CLVS1: variants seen among roughly 807,000 people sequenced by gnomAD.
CLVS1 encodes the protein clavesin-1.
A neutral mutation model predicts 33.1 loss-of-function variants in CLVS1; 10 were observed. The ratio of observed to expected loss-of-function variants is 0.30; its 90% confidence interval spans 0.19 to 0.51. The LOEUF is 0.51. Among genes scored for constraint, CLVS1 ranks in the 20% least tolerant of loss-of-function variants. The pLI, the probability that CLVS1 is intolerant of heterozygous loss-of-function variation, is 0.97. For synonymous variants in CLVS1, 163 were observed against 166.1 expected (o/e 0.98, Z 0.14); for missense variants, 343 against 433.4 (o/e 0.79, Z 1.85).
At chr8:61,002,711 C>A in the CLVS1 span, among the ~76,000 whole-genome samples, 24 of 152,310 alleles carry the variant, frequency 1.6e-4, no homozygotes, top group South Asian at 4.6e-3. Context: ...CCTATACTTA[C>A]CATCTGCAAT....
the CLVS1 span, among the ~76,000 whole-genome samples, chr8:60,968,058 T>A: frequency 1.3e-5 from 2 of 152,030 alleles, no homozygotes; most frequent in Non-Finnish European, 1.5e-5. Flanking sequence ...CCCACCTCAG[T>A]CCCCCAAGTC....
At chr8:61,448,437 A>G (rs1243913960) in intron 3 of CLVS1, among the ~76,000 whole-genome samples, 1 of 151,546 alleles carries the variant, frequency 6.6e-6, no homozygotes, top group Non-Finnish European at 1.5e-5. Flanking sequence ...CATTTAGTCT[A>G]TTTTCTCTCT....
chr8:61,429,790 T>G (rs927952400), intron 3 of CLVS1, among the ~76,000 whole-genome samples: 3 of 152,222 alleles, frequency 2.0e-5, no homozygotes, highest in African/African-American at 7.2e-5. Context: ...AAAATACTTA[T>G]AAGAATTTGT....
intron 2 of CLVS1, among the ~76,000 whole-genome samples, chr8:61,224,117 C>T (rs969785323): frequency 5.9e-5 from 9 of 152,048 alleles, no homozygotes; most frequent in African/African-American, 2.2e-4. Context: ...AGACCATGTG[C>T]CTTTAGCTCA....
intron 2 of CLVS1, among the ~76,000 whole-genome samples, chr8:61,274,355 C>G (rs1314740778): frequency 6.6e-6 from 1 of 152,132 alleles, no homozygotes; most frequent in Non-Finnish European, 1.5e-5. Context: ...AATATACTCA[C>G]TTATTCTAGT....
At chr8:61,229,544 A>G (rs189977142) in intron 2 of CLVS1, among the ~76,000 whole-genome samples, 93 of 152,322 alleles carry the variant, frequency 6.1e-4, no homozygotes, top group African/African-American at 2.1e-3. Flanking sequence ...ACACTGCACC[A>G]CATTGGCAGA....
chr8:61,381,887 C>A (rs141878351), intron 3 of CLVS1, among the ~76,000 whole-genome samples: 1 of 152,204 alleles, frequency 6.6e-6, no homozygotes, highest in East Asian at 1.9e-4. Context: ...TGTGATAGGG[C>A]TGTGATGAAC....
At chr8:61,366,670 A>G (rs1237029099) in intron 2 of CLVS1, among the ~76,000 whole-genome samples, 2 of 152,222 alleles carry the variant, frequency 1.3e-5, no homozygotes, top group African/African-American at 4.8e-5. Context: ...AGCATCTACT[A>G]TGTATAGGTA....
At chr8:61,380,936 C>G (rs969055717) in intron 3 of CLVS1, among the ~76,000 whole-genome samples, 2 of 152,164 alleles carry the variant, frequency 1.3e-5, no homozygotes, top group Non-Finnish European at 2.9e-5. Context: ...GGAAGAGTTA[C>G]AGTCTTGTGT....
chr8:61,490,706 C>T (rs1415542528), intron 5 of CLVS1, among the ~76,000 whole-genome samples: 5 of 147,266 alleles, frequency 3.4e-5, no homozygotes, highest in African/African-American at 7.5e-5. Context: ...TGTCTGTAAT[C>T]CCAGCACTTT....
intron 5 of CLVS1, among the ~76,000 whole-genome samples, chr8:61,494,901 A>G (rs968841444): frequency 3.9e-5 from 6 of 152,220 alleles, no homozygotes; most frequent in Non-Finnish European, 7.3e-5. Context: ...TGAAAGTAAA[A>G]AGACTGTATG....
intron 2 of CLVS1, among the ~76,000 whole-genome samples, chr8:61,209,512 G>T (rs1019128696): frequency 2.6e-5 from 4 of 152,196 alleles, no homozygotes; most frequent in African/African-American, 7.2e-5. Flanking sequence ...GGTAAAAGAT[G>T]ACCATTGCCT....
chr8:61,407,300 G>C (rs1221333440), intron 3 of CLVS1, among the ~76,000 whole-genome samples: 1 of 152,132 alleles, frequency 6.6e-6, no homozygotes, highest in African/African-American at 2.4e-5. Flanking sequence ...CATCAGAAGA[G>C]GACATGTGTT....
At chr8:61,210,957 A>G (rs919335037) in intron 2 of CLVS1, among the ~76,000 whole-genome samples, 3 of 152,176 alleles carry the variant, frequency 2.0e-5, no homozygotes, top group African/African-American at 7.2e-5. Context: ...CCTACCAAAA[A>G]AAAAAGGAAT....
the CLVS1 span, among the ~76,000 whole-genome samples, chr8:61,001,052 A>C: frequency 2.0e-5 from 3 of 152,240 alleles, no homozygotes; most frequent in East Asian, 5.8e-4. Context: ...AGTTATTATC[A>C]TTATTATTTT....
At chr8:61,343,441 G>A (rs902775284) in intron 2 of CLVS1, among the ~76,000 whole-genome samples, 1 of 152,158 alleles carries the variant, frequency 6.6e-6, no homozygotes, top group Non-Finnish European at 1.5e-5. Flanking sequence ...TTGTTGCAAT[G>A]GTCTGTGACA....
chr8:61,008,906 C>T, the CLVS1 span, among the ~76,000 whole-genome samples: 3 of 152,140 alleles, frequency 2.0e-5, no homozygotes, highest in African/African-American at 7.2e-5. Flanking sequence ...TTACTTTGAT[C>T]TTCCCTGGGT....
At chr8:61,472,040 G>T (rs1817753595) in intron 5 of CLVS1, among the ~76,000 whole-genome samples, 1 of 152,094 alleles carries the variant, frequency 6.6e-6, no homozygotes, top group African/African-American at 2.4e-5. Context: ...TCCTCCCCTT[G>T]CTCAAGTCAG....
intron 2 of CLVS1, among the ~76,000 whole-genome samples, chr8:61,141,288 A>T (rs1467614991): frequency 4.6e-5 from 7 of 152,152 alleles, no homozygotes; most frequent in Non-Finnish European, 1.0e-4. Context: ...TAAAATAAAC[A>T]TTGAGACAAA....
Sources: gnomAD v4.1 joint callset for allele counts (sites outside exome capture counted in the v4.1 genomes callset) on GRCh38, gnomAD v4.1.1 for gene constraint, MANE v1.5 for transcripts, NCBI Gene and HGNC (gene_info 2026-07-23, HGNC 2026-07-21) for gene names.